The following SEC24B variants were observed in gnomAD, a reference collection of about 807,000 sequenced individuals.
The protein encoded by SEC24B is SEC24 homolog B, COPII component.
SEC24B carries 45 observed loss-of-function variants against 142.8 expected under a neutral mutation model. That is an observed-to-expected ratio of 0.32 (90% confidence interval 0.25 to 0.40). The LOEUF is 0.40. Among genes scored for constraint, SEC24B ranks in the 10% least tolerant of loss-of-function variants. The probability of loss-of-function intolerance (pLI) is 1.00; values close to 1 mark genes in which losing one functional copy is unlikely to be tolerated. For synonymous variants in SEC24B, 574 were observed against 568.2 expected (o/e 1.01, Z -0.15); for missense variants, 1,409 against 1,526.8 (o/e 0.92, Z 1.29).
At chr4:109,517,951 A>G (rs62326016) in intron 11 of SEC24B, among the ~76,000 whole-genome samples, 5,854 of 67,860 alleles carry the variant, frequency 0.086, 257 homozygotes, top group African/African-American at 0.15. Context: ...TTGTTTGTTT[A>G]TTTATTTATT....
chr4:109,440,526 A>G (rs1324616066), intron 1 of SEC24B, among the ~76,000 whole-genome samples: 3 of 152,240 alleles, frequency 2.0e-5, no homozygotes, highest in Non-Finnish European at 4.4e-5. Context: ...GGAGTGGACT[A>G]GTGAAAAGGT....
At position 109,453,831 on chromosome 4, in the gene SEC24B, G is replaced by A. The variant is rs116095943; in HGVS notation, c.134-9070G>A. On this transcript the variant is annotated intron_variant, in intron 1 of 23. Coordinates refer to ENST00000265175, the MANE Select transcript of SEC24B (RefSeq NM_006323.5). ...TTCACAATTTATATTCTTCTGTCAC[G>A]GCTTCAGCAGGTCCTGCCGTTCGGT... Among the ~76,000 whole-genome samples the A allele has an allele frequency of 3.3e-3, 508 of 152,200 alleles. 4 individuals carry two copies. The highest frequency in any genetic ancestry group is 0.011 in the African/African-American group (477 of 41,534).
intron 14 of SEC24B, among the ~76,000 whole-genome samples, chr4:109,523,038 AT>A (rs996448311): frequency 3.3e-5 from 5 of 149,740 alleles, no homozygotes; most frequent in Non-Finnish European, 4.5e-5. Context: ...TATTTGCACT[AT>A]TTTTTTTTTA....
At chr4:109,532,793 A>C (rs1346563348) in intron 21 of SEC24B, 50 bp downstream of exon 21, 13 of 881,792 alleles carry the variant, frequency 1.5e-5, no homozygotes, top group Non-Finnish European at 2.5e-5. Context: ...CTGACCAAAA[A>C]CAAAGAAACA....
At chr4:109,450,356 T>G (rs1729933544) in intron 1 of SEC24B, among the ~76,000 whole-genome samples, 1 of 152,004 alleles carries the variant, frequency 6.6e-6, no homozygotes, top group South Asian at 2.1e-4. Context: ...ACCATTCTCT[T>G]TCTTCTCAAA....
chr4:109,491,280 A>G, intron 4 of SEC24B, 47 bp from the exon 5 acceptor site: 2 of 1,458,532 alleles, frequency 1.4e-6, no homozygotes, highest in South Asian at 2.4e-5. Context: ...CTGCTTTAAG[A>G]TACTTTGTCA....
Position 109,524,852 on chromosome 4 carries a change from A to G in SEC24B, c.2543A>G (p.Tyr848Cys). The change falls in exon 15 of 24, where the codon TAT (tyrosine) becomes TGT (cysteine). Residue 848 changes from tyrosine (Y) to cysteine (C), a missense_variant. Coordinates refer to ENST00000265175, the MANE Select transcript of SEC24B (RefSeq NM_006323.5). ...VQHLGPATDF[Y>C]KKLALDCSGQ... ...CATCTTGGCCCTGCAACTGATTTTT[A>G]TAAGAAACTTGCATTAGATTGCTCG... 1 of 1,612,422 alleles carries G rather than the reference A, an allele frequency of 6.2e-7. No homozygotes were observed. Among genetic ancestry groups the G allele is most frequent in the Non-Finnish European group, 8.5e-7 (1 of 1,179,144 alleles).
chr4:109,522,738 G>A (rs1723784160), intron 14 of SEC24B, among the ~76,000 whole-genome samples: 1 of 152,032 alleles, frequency 6.6e-6, no homozygotes, highest in South Asian at 2.1e-4. Context: ...AAGCATAATT[G>A]GACATCATAC....
At chr4:109,481,626 C>A in intron 3 of SEC24B, 51 bp from the exon 4 acceptor site, 1 of 1,290,324 alleles carries the variant, frequency 7.7e-7, no homozygotes, top group South Asian at 1.6e-5. Flanking sequence ...ATTTTTATTT[C>A]TCATCTTTCC....
chr4:109,524,116 A>G (rs1723959456), intron 14 of SEC24B, among the ~76,000 whole-genome samples: 1 of 152,178 alleles, frequency 6.6e-6, no homozygotes, highest in Non-Finnish European at 1.5e-5. Flanking sequence ...ATCCTTTGAT[A>G]GAGCTTTGTT....
chr4:109,520,097 AATCTT>A (rs1455491431), intron 11 of SEC24B, among the ~76,000 whole-genome samples: 1 of 152,200 alleles, frequency 6.6e-6, no homozygotes, highest in Non-Finnish European at 1.5e-5. Flanking sequence ...CAGTATATTC[AATCTT>A]TTCTTGGAAA....
intron 18 of SEC24B, among the ~76,000 whole-genome samples, chr4:109,528,851 A>G (rs764884139): frequency 6.6e-6 from 1 of 152,202 alleles, no homozygotes; most frequent in Non-Finnish European, 1.5e-5. Context: ...GAAGGATCCA[A>G]ATTTTTTTAA....
chr4:109,433,955 C>T lies in SEC24B; in HGVS notation c.86C>T (p.Ala29Val). The T allele has an allele frequency of 8.1e-7, 1 of 1,241,328 alleles. No individual in the cohort carries two copies. Among genetic ancestry groups the T allele is most frequent in the Non-Finnish European group, 1.0e-6 (1 of 994,566 alleles). The allele number at this position is 1,241,328 out of a possible 1,614,324, so 76.9% of individuals were successfully genotyped here. The change falls in exon 1 of 24, where the codon GCA becomes GTA. Residue 29 changes from alanine to valine, a missense_variant. Ala to Val is a moderately conservative substitution (Grantham distance 64). Around this residue, in one of 2 missense-constraint regions of SEC24B, gnomAD observed 709 missense variants for 673.5 expected, o/e 1.05. Coordinates refer to ENST00000265175, the MANE Select transcript of SEC24B (RefSeq NM_006323.5). ...GGCGGAGCGGCCGTCTCAGGAGCCGCAGCGCCCGCGGGCCCGGGTGCGGGC... is the reference window on the plus strand; with the variant it reads ...GGCGGAGCGGCCGTCTCAGGAGCCGTAGCGCCCGCGGGCCCGGGTGCGGGC... The part of the protein sequence containing the change: ...KFGGAAVSGA[A>V]APAGPGAGPA...
chr4:109,476,751 T>G (rs1479973796), intron 3 of SEC24B, among the ~76,000 whole-genome samples: 2 of 144,052 alleles, frequency 1.4e-5, no homozygotes, highest in Non-Finnish European at 1.5e-5. Context: ...TCTGTCTTAC[T>G]TTCTCATCAC....
intron 2 of SEC24B, 70 bp from the exon 3 acceptor site, chr4:109,472,929 AGTATT>A: frequency 2.2e-6 from 1 of 447,030 alleles, no homozygotes; most frequent in Non-Finnish European, 3.6e-6. Context: ...CATTATATAT[AGTATT>A]GTATGTGGTA....
intron 3 of SEC24B, among the ~76,000 whole-genome samples, chr4:109,480,297 T>C (rs1733606122): frequency 6.6e-6 from 1 of 152,122 alleles, no homozygotes; most frequent in South Asian, 2.1e-4. Context: ...AAGAGAGCAT[T>C]AAAGCACTAT....
chr4:109,486,007 C>G (rs1366319405), intron 4 of SEC24B, among the ~76,000 whole-genome samples: 1 of 152,066 alleles, frequency 6.6e-6, no homozygotes, highest in African/African-American at 2.4e-5. Flanking sequence ...GAAAAAAAAA[C>G]AATTGGAAAA....
intron 1 of SEC24B, among the ~76,000 whole-genome samples, chr4:109,456,846 T>G (rs1424939045): frequency 1.3e-5 from 2 of 152,246 alleles, no homozygotes; most frequent in Non-Finnish European, 2.9e-5. Flanking sequence ...CAAATACTTT[T>G]CCTGAAGATA....
At chr4:109,465,216 T>C (rs1731732311) in intron 2 of SEC24B, among the ~76,000 whole-genome samples, 1 of 152,210 alleles carries the variant, frequency 6.6e-6, no homozygotes, top group Non-Finnish European at 1.5e-5. Context: ...TAGCACTGAC[T>C]TGGGTGAGTC....
Sources: allele counts gnomAD v4.1 joint callset (sites outside exome capture counted in the v4.1 genomes callset), GRCh38; gene constraint gnomAD v4.1.1; regional missense constraint gnomAD v4.1.1; transcripts MANE v1.5; gene names NCBI Gene and HGNC (gene_info 2026-07-23, HGNC 2026-07-21).